GRM7: variants seen among roughly 807,000 people sequenced by gnomAD.
GRM7 encodes the protein metabotropic glutamate receptor 7.
Under a neutral mutation model 84.5 loss-of-function variants are expected in GRM7, and 35 were observed. That is an observed-to-expected ratio of 0.41 (90% CI 0.32 to 0.55). The LOEUF is 0.55. GRM7 is among the 20% of genes least tolerant of loss of function. The probability of loss-of-function intolerance (pLI) is 0.19; values close to 1 mark genes in which losing one functional copy is unlikely to be tolerated. For synonymous variants in GRM7, 487 were observed against 455.1 expected, an observed-to-expected ratio of 1.07 and a Z score of -0.89; for missense variants, 1,003 against 1,194.6, an observed-to-expected ratio of 0.84 and a Z score of 2.36.
At chr3:7,580,620 G>GT (rs939322082) in intron 8 of GRM7, among the ~76,000 whole-genome samples, 1 of 152,076 alleles carries the variant, frequency 6.6e-6, no homozygotes, top group African/African-American at 2.4e-5. Flanking sequence ...ATTTTGAACT[G>GT]TGTTTTTAAA....
At chr3:6,991,748 TGTTA>T (rs1186074034) in intron 1 of GRM7, among the ~76,000 whole-genome samples, 10 of 152,264 alleles carry the variant, frequency 6.6e-5, no homozygotes, top group African/African-American at 2.2e-4. Flanking sequence ...ACATCCATTC[TGTTA>T]GTTACCATTT....
intron 4 of GRM7, among the ~76,000 whole-genome samples, chr3:7,408,254 A>G (rs915443594): frequency 6.6e-6 from 1 of 152,158 alleles, no homozygotes; most frequent in African/African-American, 2.4e-5. Context: ...CTGTTTCCCA[A>G]GCAGTTTAAA....
chr3:7,479,626 C>A (rs1699052267), intron 7 of GRM7, among the ~76,000 whole-genome samples: 1 of 152,146 alleles, frequency 6.6e-6, no homozygotes, highest in African/African-American at 2.4e-5. Context: ...CACTGTATGC[C>A]AGTCACTATG....
intron 5 of GRM7, among the ~76,000 whole-genome samples, chr3:7,417,127 C>A (rs1559307629): frequency 6.6e-6 from 1 of 152,110 alleles, no homozygotes; most frequent in Non-Finnish European, 1.5e-5. Flanking sequence ...AAGCCTCTAC[C>A]TTACAAAAAT....
At chr3:7,481,941 C>T (rs1203467997) in intron 7 of GRM7, among the ~76,000 whole-genome samples, 2 of 152,290 alleles carry the variant, frequency 1.3e-5, no homozygotes, top group Admixed American at 6.5e-5. Context: ...TAATCCCCAG[C>T]ACTTTGGGAG....
At chr3:7,108,066 C>A (rs973325160) in intron 1 of GRM7, among the ~76,000 whole-genome samples, 1 of 151,976 alleles carries the variant, frequency 6.6e-6, no homozygotes, top group Non-Finnish European at 1.5e-5. Context: ...TTCACTGTAC[C>A]AAGCAATGGG....
At chr3:7,552,720 G>T (rs1693543745) in intron 7 of GRM7, among the ~76,000 whole-genome samples, 1 of 152,184 alleles carries the variant, frequency 6.6e-6, no homozygotes, top group African/African-American at 2.4e-5. Context: ...GGGATGCAGG[G>T]CACCAAGTCC....
Position 7,456,897 on chromosome 3 carries a change from G to C in GRM7, c.1375+4090G>C, listed in dbSNP as rs185517538. On this transcript the variant is annotated intron_variant, in intron 6 of 9. Coordinates refer to ENST00000357716, the MANE Select transcript of GRM7 (RefSeq NM_000844.4). Reference sequence around the variant, plus strand: ...ATCAGTGGGTCCTATGTCACTTTACGGGAGCAAAGCTTAGAGGGGAAAAAA... The same window carrying C: ...ATCAGTGGGTCCTATGTCACTTTACCGGAGCAAAGCTTAGAGGGGAAAAAA... Among the ~76,000 whole-genome samples, 6 of 152,072 alleles carry C rather than the reference G, an allele frequency of 3.9e-5. No individual in the cohort carries two copies. In the East Asian group the frequency reaches 1.2e-3, roughly 29 times the overall value.
At chr3:7,383,720 A>G (rs528021992) in intron 4 of GRM7, among the ~76,000 whole-genome samples, 101 of 152,338 alleles carry the variant, frequency 6.6e-4, no homozygotes, top group African/African-American at 2.3e-3. Flanking sequence ...GCAAGGATAT[A>G]AAAACAGAAA....
At position 7,402,316 on chromosome 3, in the gene GRM7, G is replaced by T. The variant is rs545558052; in HGVS notation, c.1034-12707G>T. ...CTATAAATGTGGAAGTGATTTCCTA[G>T]AAAACAAGATGTAGTTGTCTAAAAG... On this transcript the variant is annotated intron_variant, in intron 4 of 9. Coordinates refer to ENST00000357716, the MANE Select transcript of GRM7 (RefSeq NM_000844.4). Among the ~76,000 whole-genome samples the T allele has an allele frequency of 2.0e-5, 3 of 152,276 alleles. No homozygotes were observed. In the South Asian group the frequency reaches 6.2e-4, roughly 32 times the overall value.
intron 4 of GRM7, among the ~76,000 whole-genome samples, chr3:7,341,370 CAT>C (rs1491086972): frequency 1.4e-4 from 19 of 133,014 alleles, no homozygotes; most frequent in African/African-American, 6.6e-4. Flanking sequence ...AAATTCAACT[CAT>C]GTTTTTTTTT....
chr3:7,696,916 G>A (rs1034460186), intron 9 of GRM7, among the ~76,000 whole-genome samples: 2 of 152,162 alleles, frequency 1.3e-5, no homozygotes, highest in African/African-American at 4.8e-5. Flanking sequence ...TGGAAAGCTA[G>A]TAAGAAGAGC....
chr3:7,521,388 G>A (rs1700586834), intron 7 of GRM7, among the ~76,000 whole-genome samples: 1 of 152,232 alleles, frequency 6.6e-6, no homozygotes, highest in African/African-American at 2.4e-5. Flanking sequence ...CCTTTGGCCA[G>A]ATGATTGGGT....
intron 5 of GRM7, among the ~76,000 whole-genome samples, chr3:7,432,561 A>G (rs1490180465): frequency 1.3e-5 from 2 of 152,032 alleles, no homozygotes; most frequent in Non-Finnish European, 2.9e-5. Context: ...ACCTCAGGCA[A>G]TCTTCCCGCC....
At chr3:7,171,036 C>G (rs1041504991) in intron 2 of GRM7, among the ~76,000 whole-genome samples, 28 of 152,170 alleles carry the variant, frequency 1.8e-4, no homozygotes, top group African/African-American at 6.5e-4. Flanking sequence ...TCACCTCCTC[C>G]TCCAGACCTT....
chr3:7,580,098 G>C (rs1695173988), intron 8 of GRM7, among the ~76,000 whole-genome samples: 1 of 152,226 alleles, frequency 6.6e-6, no homozygotes, highest in Non-Finnish European at 1.5e-5. Flanking sequence ...CTTCCAGGTA[G>C]TTATAAGTCT....
In GRM7 at chr3:7,188,635, G is replaced by T. The variant is rs957834730; in HGVS notation, c.736+41967G>T. ...AAAGGATCTACTTGAGTGTATAAGG[G>T]TTGGGGAGACAGTGGTGACACATAG... is the stretch of plus-strand genomic sequence containing the variant. On this transcript the variant is annotated intron_variant, in intron 2 of 9. Transcript: ENST00000357716. This position sits in a 1 kb window ranked among gnomAD's most constrained non-coding sequence, Gnocchi z 4.2. Among the ~76,000 whole-genome samples the T allele has an allele frequency of 1.3e-5, 2 of 152,138 alleles. No homozygotes were observed. The highest frequency in any genetic ancestry group is 2.9e-5 in the Non-Finnish European group (2 of 68,020).
intron 5 of GRM7, among the ~76,000 whole-genome samples, chr3:7,439,358 C>T (rs1022367795): frequency 4.6e-5 from 7 of 152,184 alleles, no homozygotes; most frequent in East Asian, 1.9e-4. Context: ...TCTCCTGTAA[C>T]GTAGCCCATG....
intron 9 of GRM7, among the ~76,000 whole-genome samples, chr3:7,714,586 G>T (rs1701708987): frequency 1.3e-5 from 2 of 152,254 alleles, no homozygotes; most frequent in South Asian, 4.1e-4. Flanking sequence ...AGATCCCCAG[G>T]TGATTCCTCT....
Sources: allele counts gnomAD v4.1 joint callset (sites outside exome capture counted in the v4.1 genomes callset), GRCh38; gene constraint gnomAD v4.1.1; non-coding constraint Gnocchi (gnomAD v3.1); transcripts MANE v1.5; gene names NCBI Gene and HGNC (gene_info 2026-07-23, HGNC 2026-07-21).